Variants in CCSER1 observed in about 807,000 individuals in gnomAD.
The protein encoded by CCSER1 is coiled-coil serine rich protein 1.
A neutral mutation model predicts 82.0 loss-of-function variants in CCSER1; 41 were observed. The ratio of observed to expected loss-of-function variants is 0.50; its 90% CI spans 0.39 to 0.65. CCSER1 has a LOEUF of 0.65. CCSER1 is among the 30% of genes least tolerant of loss of function. The pLI is 0.00. For missense variants in CCSER1, 1,119 were observed against 1,064.2 expected, an observed-to-expected ratio of 1.05 and a Z score of -0.72; for synonymous variants, 414 against 383.9, an observed-to-expected ratio of 1.08 and a Z score of -0.92.
At chr4:90,166,710 T>C (rs1730519278) in intron 1 of CCSER1, among the ~76,000 whole-genome samples, 1 of 151,962 alleles carries the variant, frequency 6.6e-6, no homozygotes, top group Admixed American at 6.6e-5. Context: ...AAATACCAAA[T>C]TGTATTAGAA....
intron 10 of CCSER1, among the ~76,000 whole-genome samples, chr4:91,518,274 T>C (rs1760258998): frequency 6.6e-6 from 1 of 152,106 alleles, no homozygotes; most frequent in African/African-American, 2.4e-5. Context: ...GGCAATCAAT[T>C]AGTGCTATTG....
chr4:90,250,054 T>C (rs1304195566), intron 1 of CCSER1, among the ~76,000 whole-genome samples: 1 of 152,096 alleles, frequency 6.6e-6, no homozygotes, highest in African/African-American at 2.4e-5. Context: ...TGCATAAATA[T>C]CGATTTAGAT....
At chr4:91,004,598 A>C (rs1016314170) in intron 9 of CCSER1, among the ~76,000 whole-genome samples, 2 of 152,214 alleles carry the variant, frequency 1.3e-5, no homozygotes, top group Admixed American at 6.5e-5. Flanking sequence ...AACCTTCCAA[A>C]AGGTGCCTGA....
intron 6 of CCSER1, among the ~76,000 whole-genome samples, chr4:90,704,362 T>A (rs1427443134): frequency 1.3e-5 from 2 of 152,220 alleles, no homozygotes; most frequent in Non-Finnish European, 2.9e-5. Flanking sequence ...CTGTTGGGCT[T>A]CCCTTTGTGG....
chr4:90,825,404 A>C (rs1760278862), intron 8 of CCSER1, among the ~76,000 whole-genome samples: 1 of 152,204 alleles, frequency 6.6e-6, no homozygotes, highest in Admixed American at 6.5e-5. Context: ...ACTAATCAAG[A>C]TTCCAGTACT....
At chr4:91,203,407 T>C (rs61065101) in intron 10 of CCSER1, among the ~76,000 whole-genome samples, 1,782 of 152,056 alleles carry the variant, frequency 0.012, 21 homozygotes, top group African/African-American at 0.039. Flanking sequence ...CAAATGTGTA[T>C]TGATTGCCTA....
At chr4:90,447,003 T>C (rs1291457336) in intron 4 of CCSER1, among the ~76,000 whole-genome samples, 1 of 152,230 alleles carries the variant, frequency 6.6e-6, no homozygotes, top group Non-Finnish European at 1.5e-5. Flanking sequence ...AAACTGTGTG[T>C]TGATCTGCTA....
At chr4:90,648,065 T>A (rs1391195675) in intron 6 of CCSER1, among the ~76,000 whole-genome samples, 1 of 152,004 alleles carries the variant, frequency 6.6e-6, no homozygotes, top group African/African-American at 2.4e-5. Context: ...GCTTGAGCTT[T>A]ATGTTTACCT....
At chr4:90,473,601 C>CTA (rs1347080017) in intron 5 of CCSER1, among the ~76,000 whole-genome samples, 2 of 152,116 alleles carry the variant, frequency 1.3e-5, no homozygotes, top group African/African-American at 4.8e-5. Flanking sequence ...TAACACTAAC[C>CTA]TATTTTATTC....
intron 3 of CCSER1, among the ~76,000 whole-genome samples, chr4:90,350,251 A>T (rs1245391030): frequency 6.6e-6 from 1 of 152,112 alleles, no homozygotes; most frequent in Non-Finnish European, 1.5e-5. Flanking sequence ...ATGTGGAAAA[A>T]AGAGGGTGCA....
chr4:90,558,495 T>C (rs1046856245), intron 5 of CCSER1, among the ~76,000 whole-genome samples: 1 of 152,144 alleles, frequency 6.6e-6, no homozygotes, highest in East Asian at 1.9e-4. Context: ...CATTGGTCCT[T>C]TCAGTGATAC....
At chr4:91,092,125 T>G (rs1312549384) in intron 10 of CCSER1, among the ~76,000 whole-genome samples, 1 of 152,198 alleles carries the variant, frequency 6.6e-6, no homozygotes, top group Non-Finnish European at 1.5e-5. Flanking sequence ...TGATATACTT[T>G]CCCTAAACTA....
chr4:90,507,583 C>T (rs1770890566), intron 5 of CCSER1, among the ~76,000 whole-genome samples: 1 of 151,856 alleles, frequency 6.6e-6, no homozygotes, highest in African/African-American at 2.4e-5. Context: ...TCATTTCATA[C>T]ATTTTATAGT....
Position 90,628,238 on chromosome 4 carries a change from G to T in CCSER1, c.1932+6G>T. 2 of 1,602,368 alleles carry T rather than the reference G, an allele frequency of 1.2e-6. No homozygotes were observed. Among genetic ancestry groups the T allele is most frequent in the Non-Finnish European group, 1.7e-6 (2 of 1,170,116 alleles). ...TGAAGAGAGTTCTTCAAGAGGTAAT[G>T]GTTTCCTCTAAGATTAATGTCCTTC... On this transcript the variant is annotated splice_donor_region_variant and intron_variant, in intron 6 of 10. Transcript: ENST00000509176.
chr4:90,579,220 A>G (rs1560753185), intron 5 of CCSER1, among the ~76,000 whole-genome samples: 1 of 152,210 alleles, frequency 6.6e-6, no homozygotes, highest in Non-Finnish European at 1.5e-5. Flanking sequence ...AATCTGAAAT[A>G]CTCCAACTAA....
chr4:91,528,526 G>A (rs777184157), intron 10 of CCSER1, among the ~76,000 whole-genome samples: 5 of 152,048 alleles, frequency 3.3e-5, no homozygotes, highest in Admixed American at 1.3e-4. Flanking sequence ...ACATTTCCTC[G>A]GGACTACATG....
intron 10 of CCSER1, among the ~76,000 whole-genome samples, chr4:91,188,546 G>C (rs1186304424): frequency 6.6e-6 from 1 of 152,120 alleles, no homozygotes; most frequent in Admixed American, 6.6e-5. Context: ...TCAGTAAATT[G>C]TTATTATTGT....
rs1408623050 is a variant in CCSER1 at position 91,328,837 on chromosome 4, G to GA, written c.2217+242843_2217+242844insA. ...TAATGATCCCCACATGTCAAGGATG[G>GA]GACCACGTAGAGATAGTTGAATCAT... On this transcript the variant is annotated intron_variant, in intron 10 of 10. Transcript: ENST00000509176. 4.6e-5 allele frequency among the ~76,000 whole-genome samples: 7 copies of GA among 152,030 alleles called. No individual in the cohort carries two copies. In the South Asian group the frequency reaches 1.2e-3, roughly 27 times the overall value.
chr4:91,042,887 G>T (rs1054318606), intron 9 of CCSER1, among the ~76,000 whole-genome samples: 3 of 152,182 alleles, frequency 2.0e-5, no homozygotes, highest in African/African-American at 7.2e-5. Flanking sequence ...CTGCATTCCG[G>T]TATTTTAGGG....
Sources: allele counts gnomAD v4.1 joint callset (sites outside exome capture counted in the v4.1 genomes callset), GRCh38; gene constraint gnomAD v4.1.1; transcripts MANE v1.5; gene names NCBI Gene and HGNC (gene_info 2026-07-23, HGNC 2026-07-21).